The following CTNNA2 variants were observed in gnomAD, a reference collection of about 807,000 sequenced individuals.
The protein encoded by CTNNA2 is catenin alpha 2.
CTNNA2 carries 42 observed loss-of-function variants against 101.0 expected under a neutral mutation model. That is an observed-to-expected ratio of 0.42 (90% CI 0.32 to 0.54). CTNNA2 has a LOEUF of 0.54. Among genes scored for constraint, CTNNA2 ranks in the 20% least tolerant of loss-of-function variants. The pLI, the probability that CTNNA2 is intolerant of heterozygous loss-of-function variation, is 0.14. For synonymous variants in CTNNA2, 450 were observed against 456.4 expected, an observed-to-expected ratio of 0.99 and a Z score of 0.18; for missense variants, 871 against 1,223.1, an observed-to-expected ratio of 0.71 and a Z score of 4.29.
intron 7 of CTNNA2, among the ~76,000 whole-genome samples, chr2:80,038,646 G>C (rs959714981): frequency 2.0e-5 from 3 of 152,132 alleles, no homozygotes; most frequent in Non-Finnish European, 4.4e-5. Flanking sequence ...AGGAGTTCGA[G>C]ACCAGCCTGA....
chr2:80,345,736 T>G (rs1023089606), intron 7 of CTNNA2, among the ~76,000 whole-genome samples: 1 of 152,196 alleles, frequency 6.6e-6, no homozygotes. Context: ...TTTTAAAATT[T>G]GATGAAATCT....
intron 9 of CTNNA2, among the ~76,000 whole-genome samples, chr2:80,542,165 G>A (rs1158819973): frequency 6.6e-6 from 1 of 151,238 alleles, no homozygotes; most frequent in Non-Finnish European, 1.5e-5. Flanking sequence ...TAACTCCTCA[G>A]TATCATCAAA....
chr2:80,019,243 G>A (rs1430000129), intron 7 of CTNNA2, among the ~76,000 whole-genome samples: 2 of 152,278 alleles, frequency 1.3e-5, no homozygotes, highest in Non-Finnish European at 2.9e-5. Context: ...GGGACTGACT[G>A]TACTCAGTAA....
chr2:80,333,287 C>A (rs193261801), intron 7 of CTNNA2, among the ~76,000 whole-genome samples: 7 of 152,214 alleles, frequency 4.6e-5, no homozygotes, highest in Admixed American at 4.6e-4. Context: ...ACCTACTTAC[C>A]CATTTACTCA....
intron 2 of CTNNA2, among the ~76,000 whole-genome samples, chr2:79,683,201 G>T (rs187886722): frequency 1.3e-5 from 2 of 152,278 alleles, no homozygotes; most frequent in Admixed American, 1.3e-4. Context: ...TACATGCCAG[G>T]TAACTGGTAC....
At chr2:79,292,869 G>C (rs909382214) in intron 2 of CTNNA2, 3 of 152,236 alleles carry the variant, frequency 2.0e-5, no homozygotes, top group Non-Finnish European at 1.5e-5. Context: ...TGTCTGGTCA[G>C]TATCACACTG....
intron 4 of CTNNA2, among the ~76,000 whole-genome samples, chr2:79,377,295 G>A (rs1166822532): frequency 6.6e-6 from 1 of 152,110 alleles, no homozygotes; most frequent in Non-Finnish European, 1.5e-5. Flanking sequence ...ATAAGGAAAA[G>A]GCATAAAGTT....
At chr2:79,387,449 C>T (rs568089732) in intron 4 of CTNNA2, among the ~76,000 whole-genome samples, 3 of 152,222 alleles carry the variant, frequency 2.0e-5, no homozygotes, top group African/African-American at 4.8e-5. Context: ...ATGGAACCAG[C>T]GTGAAAGAAG....
intron 7 of CTNNA2, among the ~76,000 whole-genome samples, chr2:79,935,080 C>A (rs1574351501): frequency 1.3e-5 from 2 of 152,304 alleles, no homozygotes; most frequent in Admixed American, 1.3e-4. Context: ...GGACACCCAT[C>A]TTCCTCCCTA....
At chr2:79,827,084 G>A (rs1293756560) in intron 3 of CTNNA2, among the ~76,000 whole-genome samples, 4 of 152,066 alleles carry the variant, frequency 2.6e-5, no homozygotes, top group Non-Finnish European at 4.4e-5. Context: ...TGTCACCCAG[G>A]CTGGAGTGCA....
At chr2:80,100,444 T>TTC (rs1177122099) in intron 7 of CTNNA2, among the ~76,000 whole-genome samples, 1 of 152,202 alleles carries the variant, frequency 6.6e-6, no homozygotes, top group African/African-American at 2.4e-5. Flanking sequence ...CTTTTTAAGG[T>TTC]TCTCTCCAGC....
At chr2:80,298,698 G>A (rs1409067249) in intron 7 of CTNNA2, 1 of 152,222 alleles carries the variant, frequency 6.6e-6, no homozygotes, top group Non-Finnish European at 1.5e-5. Context: ...GAGAGAAAAG[G>A]TTGGGGGCTC....
chr2:79,201,446 TTCC>T (rs1674034278), intron 2 of CTNNA2, among the ~76,000 whole-genome samples: 1 of 63,816 alleles, frequency 1.6e-5, no homozygotes, highest in Non-Finnish European at 3.4e-5. Context: ...CAAATTCACC[TTCC>T]TTCCCTGTTG....
intron 4 of CTNNA2, among the ~76,000 whole-genome samples, chr2:79,867,611 G>A (rs1004350491): frequency 6.6e-6 from 1 of 151,968 alleles, no homozygotes; most frequent in Non-Finnish European, 1.5e-5. Flanking sequence ...CCCATTCTTG[G>A]TGTTTCTTTG....
intron 2 of CTNNA2, among the ~76,000 whole-genome samples, chr2:79,230,140 T>C (rs1209583086): frequency 6.6e-6 from 1 of 152,208 alleles, no homozygotes; most frequent in Non-Finnish European, 1.5e-5. Flanking sequence ...TTTGGGTAAA[T>C]AATGAGGAGC....
At chr2:79,493,015 C>T (rs1314149605) in intron 4 of CTNNA2, among the ~76,000 whole-genome samples, 2 of 152,108 alleles carry the variant, frequency 1.3e-5, no homozygotes, top group Non-Finnish European at 2.9e-5. Context: ...AATGCTCTGT[C>T]ATTATAAGAA....
chr2:79,966,632 G>T (rs1236577897), intron 7 of CTNNA2, among the ~76,000 whole-genome samples: 2 of 152,108 alleles, frequency 1.3e-5, no homozygotes, highest in African/African-American at 4.8e-5. Flanking sequence ...AAGCTGGGAA[G>T]AAAAGAAAGA....
chr2:79,893,990 T>TTTC lies in CTNNA2; in HGVS notation c.853-15531_853-15529dup, dbSNP rs60336887. On this transcript the variant is annotated intron_variant, in intron 6 of 18. Transcript: ENST00000402739. ...TTTTATTCTGTCAAGCTTAGGCTGT[T>TTTC]TTCTTCTTCTTCTTCTTCTTCTTCT... Among the ~76,000 whole-genome samples the TTTC allele has an allele frequency of 9.8e-3, 1,123 of 114,854 alleles. 16 individuals are homozygous for TTTC. The highest frequency in any genetic ancestry group is 0.012 in the Non-Finnish European group (644 of 55,100). The allele number at this position is 114,854 out of a possible 152,430, so 75.3% of individuals were successfully genotyped here.
At chr2:79,768,053 C>T (rs1673290970) in intron 3 of CTNNA2, among the ~76,000 whole-genome samples, 1 of 151,734 alleles carries the variant, frequency 6.6e-6, no homozygotes, top group Non-Finnish European at 1.5e-5. Context: ...GTGATGAGGT[C>T]TGTGGGAACT....
Sources: gnomAD v4.1 joint callset for allele counts (sites outside exome capture counted in the v4.1 genomes callset) on GRCh38, gnomAD v4.1.1 for gene constraint, MANE v1.5 for transcripts, NCBI Gene and HGNC (gene_info 2026-07-23, HGNC 2026-07-21) for gene names.